Variants in NRG3 observed in about 807,000 individuals in gnomAD.
The protein encoded by NRG3 is neuregulin 3.
In NRG3, 31 loss-of-function variants were observed where a neutral mutation model predicts 66.9. The ratio of observed to expected loss-of-function variants is 0.46; its 90% CI spans 0.35 to 0.63. The LOEUF (loss-of-function observed/expected upper bound fraction) is 0.63, where lower values mean the gene tolerates loss of function less well. Among genes scored for constraint, NRG3 ranks in the 20% least tolerant of loss-of-function variants. NRG3 has a pLI of 0.00. For synonymous variants in NRG3, 393 were observed against 359.4 expected (o/e 1.09, Z -1.06); for missense variants, 910 against 878.9 (o/e 1.04, Z -0.45).
At chr10:81,928,952 G>T (rs1373151506) in intron 1 of NRG3, among the ~76,000 whole-genome samples, 1 of 152,076 alleles carries the variant, frequency 6.6e-6, no homozygotes. Flanking sequence ...CTTCCAAGTA[G>T]CTGGGGCCAC....
chr10:81,997,678 T>C (rs981601420), intron 1 of NRG3, among the ~76,000 whole-genome samples: 7 of 152,106 alleles, frequency 4.6e-5, no homozygotes, highest in South Asian at 4.1e-4. Context: ...GAAGATGATG[T>C]CTGAGTCATG....
chr10:82,367,008 G>T (rs993490863), intron 2 of NRG3, among the ~76,000 whole-genome samples: 4 of 152,168 alleles, frequency 2.6e-5, no homozygotes, highest in African/African-American at 4.8e-5. Context: ...AGGCGTGTTC[G>T]ACTCTACCTA....
At position 82,138,151 on chromosome 10, in the gene NRG3, G is replaced by A. The variant is rs147943542; in HGVS notation, c.824-220588G>A. 5.2e-4 allele frequency among the ~76,000 whole-genome samples: 79 copies of A among 152,002 alleles called. No individual in the cohort carries two copies. The East Asian group carries it at 6.6e-3, about 13-fold the overall frequency. On this transcript the variant is annotated intron_variant, in intron 1 of 8. Transcript: ENST00000372141. The stretch of plus-strand genomic sequence containing the variant: ...TTTTCCTTAATTCAAATACATCTGT[G>A]TTTAGTTGAAAAAAATGTGTATATG...
At chr10:82,934,036 T>C (rs1847837184) in intron 4 of NRG3, among the ~76,000 whole-genome samples, 1 of 152,214 alleles carries the variant, frequency 6.6e-6, no homozygotes, top group Non-Finnish European at 1.5e-5. Flanking sequence ...CAATTTATTT[T>C]CTATCTCTAG....
chr10:81,909,068 C>T (rs1356100109), intron 1 of NRG3, among the ~76,000 whole-genome samples: 1 of 152,196 alleles, frequency 6.6e-6, no homozygotes, highest in Non-Finnish European at 1.5e-5. Flanking sequence ...GGATGTACCT[C>T]TCCCTCTGAA....
chr10:82,418,713 T>C (rs923143221), intron 2 of NRG3, among the ~76,000 whole-genome samples: 1 of 152,062 alleles, frequency 6.6e-6, no homozygotes, highest in African/African-American at 2.4e-5. Flanking sequence ...CAATCCTGCC[T>C]CCTCAGCCTC....
chr10:82,144,228 T>C (rs1649968), intron 1 of NRG3, among the ~76,000 whole-genome samples: 110,289 of 151,990 alleles, frequency 0.73, 40,548 homozygotes, highest in Non-Finnish European at 0.79. Context: ...TCAACTACTA[T>C]GTGGTTGATT....
chr10:82,493,828 C>T (rs933735190), intron 2 of NRG3, among the ~76,000 whole-genome samples: 5 of 152,026 alleles, frequency 3.3e-5, no homozygotes, highest in Non-Finnish European at 7.4e-5. Flanking sequence ...GAGTGGGAGA[C>T]CATTTCTGCA....
chr10:82,376,398 C>T (rs1185788184), intron 2 of NRG3, among the ~76,000 whole-genome samples: 2 of 152,202 alleles, frequency 1.3e-5, no homozygotes, highest in East Asian at 1.9e-4. Context: ...TCCACTGGGG[C>T]TTCCCAGGTC....
intron 1 of NRG3, among the ~76,000 whole-genome samples, chr10:82,105,814 T>A (rs1045153270): frequency 3.9e-5 from 6 of 152,142 alleles, no homozygotes; most frequent in Non-Finnish European, 8.8e-5. Flanking sequence ...TCAAAAACAT[T>A]GACAATTAGG....
intron 3 of NRG3, among the ~76,000 whole-genome samples, chr10:82,832,804 T>TTGTGTGTG (rs139438548): frequency 0.012 from 1,782 of 148,000 alleles, 15 homozygotes; most frequent in Middle Eastern, 0.021. Flanking sequence ...ATGCATGTAA[T>TTGTGTGTG]TGTGTGTGTG....
chr10:82,859,874 TA>T (rs1415809543), intron 3 of NRG3, among the ~76,000 whole-genome samples: 1 of 152,126 alleles, frequency 6.6e-6, no homozygotes, highest in Non-Finnish European at 1.5e-5. Context: ...TTTTGTTAAT[TA>T]AAAAATGTGG....
At chr10:82,761,676 A>G (rs2059308095) in intron 3 of NRG3, among the ~76,000 whole-genome samples, 1 of 151,912 alleles carries the variant, frequency 6.6e-6, no homozygotes, top group Admixed American at 6.5e-5. Flanking sequence ...AAATTAATAA[A>G]ATATATAAAA....
At chr10:82,962,703 G>A (rs1315371378) in intron 6 of NRG3, among the ~76,000 whole-genome samples, 1 of 152,058 alleles carries the variant, frequency 6.6e-6, no homozygotes, top group African/African-American at 2.4e-5. Context: ...GCCAGGCGTG[G>A]TGGTGGGTGC....
intron 1 of NRG3, among the ~76,000 whole-genome samples, chr10:81,881,199 GT>G (rs34278793): frequency 8.2e-6 from 1 of 121,284 alleles, no homozygotes; most frequent in East Asian, 2.3e-4. Context: ...TTTTTTTTTT[GT>G]TTTTTTGCCC....
intron 1 of NRG3, among the ~76,000 whole-genome samples, chr10:82,112,935 G>A (rs1397214114): frequency 6.6e-6 from 1 of 152,098 alleles, no homozygotes; most frequent in Non-Finnish European, 1.5e-5. Flanking sequence ...GTGCCCCATG[G>A]TTGATGAAAT....
intron 1 of NRG3, among the ~76,000 whole-genome samples, chr10:82,314,281 T>C (rs185636067): frequency 9.7e-4 from 148 of 152,336 alleles, no homozygotes; most frequent in African/African-American, 3.4e-3. Context: ...TGGGTTGATG[T>C]TATTTTAAAA....
intron 3 of NRG3, among the ~76,000 whole-genome samples, chr10:82,830,041 C>T (rs1163285692): frequency 1.3e-5 from 2 of 152,112 alleles, no homozygotes; most frequent in African/African-American, 4.8e-5. Flanking sequence ...TCATGGTGAT[C>T]TTTGATCCAA....
intron 2 of NRG3, among the ~76,000 whole-genome samples, chr10:82,462,293 G>A (rs1445362469): frequency 6.6e-6 from 1 of 151,954 alleles, no homozygotes; most frequent in Non-Finnish European, 1.5e-5. Flanking sequence ...TAAGTCAGGG[G>A]CAGCCTTGGG....
Sources: allele counts gnomAD v4.1 joint callset (sites outside exome capture counted in the v4.1 genomes callset), GRCh38; gene constraint gnomAD v4.1.1; transcripts MANE v1.5; gene names NCBI Gene and HGNC (gene_info 2026-07-23, HGNC 2026-07-21).